Variants in ACLY observed in about 807,000 individuals in gnomAD.
ACLY encodes the protein ATP citrate lyase.
Under a neutral mutation model 133.0 loss-of-function variants are expected in ACLY, and 41 were observed. The ratio of observed to expected loss-of-function variants is 0.31; its 90% CI spans 0.24 to 0.40. ACLY has a LOEUF of 0.40. ACLY is among the 10% of genes least tolerant of loss of function. The probability of loss-of-function intolerance (pLI) is 1.00; values close to 1 mark genes in which losing one functional copy is unlikely to be tolerated. For missense variants in ACLY, 1,046 were observed against 1,453.8 expected (o/e 0.72, Z 4.56); for synonymous variants, 495 against 549.3 (o/e 0.90, Z 1.38).
chr17:41,906,749 G>A (rs1429213497), intron 7 of ACLY, 103 bp from the exon 8 acceptor site: 2 of 1,056,374 alleles, frequency 1.9e-6, no homozygotes, highest in Admixed American at 1.8e-5. Context: ...ATGAAAAGGT[G>A]CCTTAATGGG....
Position 41,892,396 on chromosome 17 carries a change from A to C in ACLY, c.1653T>G (p.Pro551=). 2 of 1,613,918 alleles carry C rather than the reference A, an allele frequency of 1.2e-6. No homozygotes were observed. Among genetic ancestry groups the C allele is most frequent in the Non-Finnish European group, 1.7e-6 (2 of 1,179,962 alleles). The change falls in exon 16 of 29, where the codon CCT becomes CCG. Residue 551 remains proline (P), a synonymous_variant. Coordinates refer to ENST00000352035, the MANE Select transcript of ACLY (RefSeq NM_001096.3). ...TGGCATCAGCCATGTTCTTGAAGACAGGGATCAGGATCTCTTTGTGCCCCC... is the reference window on the plus strand; with the variant it reads ...TGGCATCAGCCATGTTCTTGAAGACCGGGATCAGGATCTCTTTGTGCCCCC... ...FYWGHKEILI[P]VFKNMADAMR... is the part of the protein sequence containing the mutation.
chr17:41,883,268 A>G (rs1424507411), intron 19 of ACLY, 36 bp from the exon 20 acceptor site: 1 of 1,565,884 alleles, frequency 6.4e-7, no homozygotes, highest in East Asian at 2.2e-5. Flanking sequence ...AAGCCAAGTT[A>G]GTGCAGCCCA....
chr17:41,877,462 T>TA (rs2048794736), intron 22 of ACLY, among the ~76,000 whole-genome samples: 2 of 149,362 alleles, frequency 1.3e-5, no homozygotes, highest in African/African-American at 2.5e-5. Context: ...TTTTTTTTTT[T>TA]AAATTACAGA....
chr17:41,881,928 C>T (rs1190812073), intron 20 of ACLY, among the ~76,000 whole-genome samples: 1 of 152,220 alleles, frequency 6.6e-6, no homozygotes, highest in African/African-American at 2.4e-5. Flanking sequence ...TAAGCATTTA[C>T]TGAACTCTGC....
intron 7 of ACLY, among the ~76,000 whole-genome samples, chr17:41,907,142 A>G (rs1555632827): frequency 1.3e-5 from 2 of 152,084 alleles, no homozygotes; most frequent in African/African-American, 2.4e-5. Context: ...ACGCGGAGAG[A>G]ATGACCTTCC....
upstream of ACLY, among the ~76,000 whole-genome samples, chr17:41,920,590 CAAAAAA>C (rs57800581): frequency 4.1e-5 from 3 of 73,998 alleles, no homozygotes; most frequent in East Asian, 1.3e-3. Flanking sequence ...GATTCTATCT[CAAAAAA>C]AAAAAAAAAA....
At chr17:41,875,313 G>A (rs2048706140) in intron 22 of ACLY, among the ~76,000 whole-genome samples, 1 of 143,976 alleles carries the variant, frequency 6.9e-6, no homozygotes, top group South Asian at 2.2e-4. Context: ...TCGCACCATT[G>A]CACTCCAGCT....
chr17:41,925,917 T>C (rs1185001748), intron 1 of ACLY, among the ~76,000 whole-genome samples: 1 of 151,890 alleles, frequency 6.6e-6, no homozygotes, highest in African/African-American at 2.4e-5. Context: ...TGATCATGGC[T>C]CACTGCAACC....
Position 41,872,191 on chromosome 17 carries a change from G to A in ACLY, c.2643-9C>T. On this transcript the variant is annotated splice_polypyrimidine_tract_variant and intron_variant, in intron 23 of 28. Transcript: ENST00000352035. The stretch of plus-strand genomic sequence containing the variant: ...AAGAGTACTTAGGCAACCTGGAGTG[G>A]GGGGAACAAAGGCCAGGAGATGGTC... 6.2e-7 allele frequency: 1 copy of A among 1,607,672 alleles called. No individual in the cohort carries two copies. The highest frequency in any genetic ancestry group is 2.2e-5 in the East Asian group (1 of 44,858).
chr17:41,880,427 G>C (rs2048883714), intron 20 of ACLY, among the ~76,000 whole-genome samples: 1 of 152,198 alleles, frequency 6.6e-6, no homozygotes, highest in African/African-American at 2.4e-5. Flanking sequence ...TTCTTTGTAG[G>C]ATTTAATCTG....
At chr17:41,921,185 C>T (rs1438552008), upstream of ACLY, among the ~76,000 whole-genome samples, 1 of 150,808 alleles carries the variant, frequency 6.6e-6, no homozygotes. Flanking sequence ...GTAATCTCAG[C>T]TACCTGGGAG....
intron 25 of ACLY, among the ~76,000 whole-genome samples, chr17:41,871,130 C>A (rs1041330545): frequency 4.6e-5 from 7 of 152,156 alleles, no homozygotes; most frequent in African/African-American, 1.7e-4. Context: ...ACCAAAGTTA[C>A]CAAGTTTTCC....
In ACLY at chr17:41,909,055, A is replaced by T; in HGVS notation, c.550T>A (p.Phe184Ile). The T allele has an allele frequency of 1.2e-6, 2 of 1,612,092 alleles. No individual in the cohort carries two copies. The highest frequency in any genetic ancestry group is 1.7e-6 in the Non-Finnish European group (2 of 1,179,566). The stretch of plus-strand genomic sequence containing the variant: ...TAGAAATTGAAGAGGCCGGAGATAA[A>T]ACTGGCCAGAATTCTAGAGGTGGGA... ...PEDKKEILAS[F>I]ISGLFNFYED... The change falls in exon 6 of 29, where the codon TTT becomes ATT. Residue 184 changes from phenylalanine to isoleucine, a missense_variant. Transcript: ENST00000352035.
chr17:41,895,940 T>C lies in ACLY; in HGVS notation c.1459+680A>G, dbSNP rs147500647. On this transcript the variant is annotated intron_variant, in intron 14 of 28. Coordinates refer to ENST00000352035, the MANE Select transcript of ACLY (RefSeq NM_001096.3). ...AGCTAGGCTGGTGGGTGAATGCGCA[T>C]GCACAGAAGTATCCACTGTAAAATG... Among the ~76,000 whole-genome samples the C allele has an allele frequency of 2.0e-3, 312 of 152,298 alleles. 3 individuals are homozygous for C. The highest frequency in any genetic ancestry group is 6.6e-3 in the African/African-American group (276 of 41,550).
At chr17:41,887,132 A>G (rs1290572645) in intron 17 of ACLY, among the ~76,000 whole-genome samples, 7 of 18,044 alleles carry the variant, frequency 3.9e-4, no homozygotes, top group African/African-American at 4.7e-4. Flanking sequence ...TCAAAGAAAA[A>G]AAAAAAAAAA....
chr17:41,904,534 GAC>G lies in ACLY; in HGVS notation c.1065+193_1065+194del, dbSNP rs1424107311. ...TCAGCGTAGCAGCTGCTTGCCCAGA[GAC>G]ACACAGCGCAGATGGGCAGCTCCTG... On this transcript the variant is annotated intron_variant, in intron 10 of 28. Coordinates refer to ENST00000352035, the MANE Select transcript of ACLY (RefSeq NM_001096.3). 8.4e-6 allele frequency: 5 copies of G among 591,852 alleles called. No homozygotes were observed. The Admixed American group carries it at 1.2e-4, about 14-fold the overall frequency. 36.7% of individuals were successfully genotyped at this position (591,852 alleles called of 1,614,324 possible).
intron 1 of ACLY, among the ~76,000 whole-genome samples, chr17:41,917,007 G>A (rs1422833853): frequency 1.3e-5 from 2 of 151,726 alleles, no homozygotes; most frequent in Non-Finnish European, 2.9e-5. Flanking sequence ...GCCGGGCGTG[G>A]TGGTGCACAC....
In ACLY at chr17:41,908,903, G is replaced by A. The variant is rs1047035007; in HGVS notation, c.616+86C>T. On this transcript the variant is annotated intron_variant, in intron 6 of 28. Coordinates refer to ENST00000352035, the MANE Select transcript of ACLY (RefSeq NM_001096.3). ...TGTCTTGTGTTACCCTCTGGCAAGT[G>A]GGAGTCTGGTTCTCTGAATGCCAAG... The A allele has an allele frequency of 3.9e-5, 43 of 1,106,146 alleles. No individual in the cohort carries two copies. The African/African-American group carries it at 6.1e-4, about 16-fold the overall frequency. 68.5% of individuals were successfully genotyped at this position (1,106,146 alleles called of 1,614,324 possible). A position where few individuals can be genotyped will look rare whatever the true frequency, so the allele number is the denominator to read the frequency against.
chr17:41,910,246 G>C lies in ACLY; in HGVS notation c.321C>G (p.Ile107Met), dbSNP rs782487022. The part of the protein sequence containing the change: ...KATGFLKNFL[I>M]EPFVPHSQAE... ...CCTGACTGTGGGGGACGAAGGGCTC[G>C]ATCAGAAAGTTCTTGAGGAAGCCTG... is the stretch of plus-strand genomic sequence containing the variant. The change falls in exon 4 of 29, where the codon ATC (isoleucine) becomes ATG (methionine). Residue 107 changes from isoleucine (I) to methionine (M), a missense_variant. Physicochemically the swap from Ile to Met is conservative, Grantham distance 10. Transcript: ENST00000352035. The C allele has an allele frequency of 1.2e-5, 19 of 1,613,806 alleles. No individual in the cohort carries two copies. The East Asian group carries it at 3.3e-4, about 28-fold the overall frequency.
Sources: gnomAD v4.1 joint callset for allele counts (sites outside exome capture counted in the v4.1 genomes callset) on GRCh38, gnomAD v4.1.1 for gene constraint, MANE v1.5 for transcripts, NCBI Gene and HGNC (gene_info 2026-07-23, HGNC 2026-07-21) for gene names.